Variants in ARL13B observed in about 807,000 individuals in gnomAD.
The protein encoded by ARL13B is ADP-ribosylation factor-like protein 13B.
ARL13B carries 36 observed loss-of-function variants against 56.1 expected under a neutral mutation model. The ratio of observed to expected loss-of-function variants is 0.64; its 90% CI spans 0.49 to 0.85. The LOEUF (loss-of-function observed/expected upper bound fraction) is 0.85. ARL13B is among the 40% of genes least tolerant of loss of function. The pLI is 0.00. For synonymous variants in ARL13B, 178 were observed against 171.1 expected (o/e 1.04, Z -0.32); for missense variants, 519 against 507.1 (o/e 1.02, Z -0.23).
intron 3 of ARL13B, among the ~76,000 whole-genome samples, chr3:94,009,111 AGATAGATAGAT>A (rs1417855601): frequency 3.3e-5 from 5 of 151,950 alleles, no homozygotes; most frequent in African/African-American, 1.2e-4. Flanking sequence ...ATAGATAGAT[AGATAGATAGAT>A]ATTCTTGACC....
chr3:93,991,157 A>T (rs981059002), intron 1 of ARL13B, among the ~76,000 whole-genome samples: 4 of 152,166 alleles, frequency 2.6e-5, no homozygotes, highest in Non-Finnish European at 5.9e-5. Flanking sequence ...CAAATGATTA[A>T]ATGATTGATT....
At position 94,030,901 on chromosome 3, in the gene ARL13B, G is replaced by A. The variant is rs145047649; in HGVS notation, c.381-4430G>A. Among the ~76,000 whole-genome samples the A allele has an allele frequency of 2.2e-3, 336 of 152,300 alleles. 1 individual carries two copies. The highest frequency in any genetic ancestry group is 0.014 in the Middle Eastern group (4 of 294). On this transcript the variant is annotated intron_variant, in intron 3 of 9. Coordinates refer to ENST00000394222, the MANE Select transcript of ARL13B (RefSeq NM_001174150.2). ...AGATACAAATAAGATCTAAGGCTGGGCACAGTGGCTCATGCCTGTAATCCA... is the reference window on the plus strand; with the variant it reads ...AGATACAAATAAGATCTAAGGCTGGACACAGTGGCTCATGCCTGTAATCCA...
intron 1 of ARL13B, among the ~76,000 whole-genome samples, chr3:93,982,641 G>T (rs543096054): frequency 2.6e-5 from 4 of 152,184 alleles, no homozygotes; most frequent in Non-Finnish European, 5.9e-5. Context: ...ATTTCTGTTG[G>T]ATCTTACTGC....
intron 2 of ARL13B, among the ~76,000 whole-genome samples, chr3:94,000,965 A>G (rs1241103542): frequency 1.3e-5 from 2 of 152,160 alleles, no homozygotes; most frequent in African/African-American, 4.8e-5. Flanking sequence ...GGGTGGATGT[A>G]TGGGACAGGA....
chr3:94,045,505 T>A (rs1255804216), intron 7 of ARL13B, among the ~76,000 whole-genome samples: 1 of 150,410 alleles, frequency 6.6e-6, no homozygotes, highest in African/African-American at 2.4e-5. Context: ...AGCCCCCAAC[T>A]GATCTGTAGA....
chr3:94,046,369 C>T (rs895616345), intron 7 of ARL13B, among the ~76,000 whole-genome samples: 2 of 151,720 alleles, frequency 1.3e-5, no homozygotes, highest in Non-Finnish European at 2.9e-5. Flanking sequence ...TAAAATATTC[C>T]TTTATATTTA....
chr3:94,033,847 T>TA (rs2107102703), intron 3 of ARL13B, among the ~76,000 whole-genome samples: 1 of 152,236 alleles, frequency 6.6e-6, no homozygotes, highest in African/African-American at 2.4e-5. Context: ...TACCACCAGA[T>TA]ACGGGAAATA....
At chr3:94,017,167 A>G (rs2107500980) in intron 3 of ARL13B, among the ~76,000 whole-genome samples, 1 of 152,300 alleles carries the variant, frequency 6.6e-6, no homozygotes, top group East Asian at 1.9e-4. Flanking sequence ...ACCATACCAA[A>G]TGGAGACTCA....
At chr3:94,022,539 C>A (rs944946556) in intron 3 of ARL13B, among the ~76,000 whole-genome samples, 1 of 152,074 alleles carries the variant, frequency 6.6e-6, no homozygotes. Flanking sequence ...AGTTATATCA[C>A]AAATTTTGGT....
chr3:94,033,145 C>T (rs1472793525), intron 3 of ARL13B, among the ~76,000 whole-genome samples: 2 of 152,160 alleles, frequency 1.3e-5, no homozygotes, highest in African/African-American at 2.4e-5. Context: ...CGTGTTCTCA[C>T]AAGTGGAAGT....
chr3:94,043,223 G>A lies in ARL13B; in HGVS notation c.1007G>A (p.Arg336Gln), dbSNP rs550306731. 7.0e-5 allele frequency: 113 copies of A among 1,612,440 alleles called. 1 individual carries two copies. The South Asian group carries it at 8.7e-4, about 12-fold the overall frequency. The change falls in exon 7 of 10, where the codon CGG (arginine) becomes CAG (glutamine). Residue 336 changes from arginine (R) to glutamine (Q), a missense_variant. Arg to Gln is a conservative substitution (Grantham distance 43). Coordinates refer to ENST00000394222, the MANE Select transcript of ARL13B (RefSeq NM_001174150.2). ...TTAAAGAATGAAGATGAGACAGACCGGCCATCATTGGAATCAGGTAATAAA... is the reference window on the plus strand; with the variant it reads ...TTAAAGAATGAAGATGAGACAGACCAGCCATCATTGGAATCAGGTAATAAA... Reference protein sequence around the residue: ...QQLKNEDETDRPSLESANGKK... With the variant: ...QQLKNEDETDQPSLESANGKK...
At chr3:94,014,865 A>G (rs577517633) in intron 3 of ARL13B, 1 of 1,614,094 alleles carries the variant, frequency 6.2e-7, no homozygotes, top group South Asian at 1.1e-5. Flanking sequence ...CAGCATGCTG[A>G]GATTTAAGTA....
At chr3:93,988,585 G>A (rs1710580878) in intron 1 of ARL13B, 3 of 422,664 alleles carry the variant, frequency 7.1e-6, no homozygotes, top group Non-Finnish European at 1.4e-5. Context: ...ACCCTGGATT[G>A]TACAAGAAGG....
At chr3:93,997,113 G>A (rs890878666) in intron 2 of ARL13B, among the ~76,000 whole-genome samples, 2 of 151,742 alleles carry the variant, frequency 1.3e-5, no homozygotes, top group Admixed American at 6.6e-5. Context: ...AACAAGCTTG[G>A]GGTCCCACTG....
At chr3:94,049,342 G>A in intron 7 of ARL13B, 64 bp from the exon 8 acceptor site, 1 of 946,736 alleles carries the variant, frequency 1.1e-6, no homozygotes, top group Non-Finnish European at 1.7e-6. Context: ...TGTATTCTTT[G>A]TTTTCTATTA....
rs554657590 is a variant in ARL13B at position 93,993,695 on chromosome 3, G to A, written c.60-2179G>A. On this transcript the variant is annotated intron_variant, in intron 1 of 9. Transcript: ENST00000394222. Reference sequence around the variant, plus strand: ...AAATCTTGTTCTTTGATATTTGATAGTTCTATGAATTAATTCATAATTATG... The same window carrying A: ...AAATCTTGTTCTTTGATATTTGATAATTCTATGAATTAATTCATAATTATG... 2.0e-5 allele frequency among the ~76,000 whole-genome samples: 3 copies of A among 152,256 alleles called. No homozygotes were observed. In the South Asian group the frequency reaches 6.2e-4, roughly 32 times the overall value.
At chr3:93,993,560 A>G (rs2075914328) in intron 1 of ARL13B, among the ~76,000 whole-genome samples, 1 of 152,198 alleles carries the variant, frequency 6.6e-6, no homozygotes, top group Non-Finnish European at 1.5e-5. Flanking sequence ...GGCTGGGACT[A>G]CAGGGATGTG....
intron 3 of ARL13B, among the ~76,000 whole-genome samples, chr3:94,025,370 A>G (rs916011394): frequency 2.6e-5 from 4 of 152,180 alleles, no homozygotes; most frequent in Admixed American, 2.6e-4. Context: ...TATTATGTAA[A>G]CGATGTTTAA....
Position 94,029,301 on chromosome 3 carries a change from CATATATATAT to C in ARL13B, c.381-6005_381-5996del, listed in dbSNP as rs1242349606. Among the ~76,000 whole-genome samples the C allele has an allele frequency of 3.8e-3, 294 of 77,196 alleles. 3 individuals are homozygous for C. The highest frequency in any genetic ancestry group is 0.011 in the African/African-American group (193 of 18,064). The allele number at this position is 77,196 out of a possible 152,430, so 50.6% of individuals were successfully genotyped here. On this transcript the variant is annotated intron_variant, in intron 3 of 9. Transcript: ENST00000394222. Reference sequence around the variant, plus strand: ...AGGAAATTGCTGTATCTATCAAAATCATATATATATATATATATATATATATATATATATT... The same window carrying C: ...AGGAAATTGCTGTATCTATCAAAATCATATATATATATATATATATATATT...
Sources: allele counts gnomAD v4.1 joint callset (sites outside exome capture counted in the v4.1 genomes callset), GRCh38; gene constraint gnomAD v4.1.1; transcripts MANE v1.5; gene names NCBI Gene and HGNC (gene_info 2026-07-23, HGNC 2026-07-21).